The following MACROD2 variants were observed in gnomAD, a reference collection of about 807,000 sequenced individuals.
MACROD2 encodes the protein ADP-ribose glycohydrolase MACROD2.
In MACROD2, 36 loss-of-function variants were observed where a neutral mutation model predicts 70.4. The observed-to-expected ratio is 0.51, with a 90% CI of 0.39 to 0.68. The LOEUF (loss-of-function observed/expected upper bound fraction) is 0.68. Ranked by LOEUF, MACROD2 falls within the 30% of genes least tolerant of loss-of-function variation. MACROD2 has a pLI of 0.00. For missense variants in MACROD2, 496 were observed against 538.4 expected (o/e 0.92, Z 0.78); for synonymous variants, 172 against 178.8 (o/e 0.96, Z 0.30).
At chr20:14,915,446 T>G (rs1010039437) in intron 5 of MACROD2, among the ~76,000 whole-genome samples, 1 of 152,198 alleles carries the variant, frequency 6.6e-6, no homozygotes, top group Non-Finnish European at 1.5e-5. Context: ...CGAGAAGCAT[T>G]AAGCTCAAGC....
At chr20:14,078,129 C>G (rs1450335146) in intron 2 of MACROD2, among the ~76,000 whole-genome samples, 1 of 151,834 alleles carries the variant, frequency 6.6e-6, no homozygotes, top group Non-Finnish European at 1.5e-5. Context: ...CTCGAACTTC[C>G]GAACTCAGGT....
Position 15,334,732 on chromosome 20 carries a change from GATT to G in MACROD2, c.541-96669_541-96667del, listed in dbSNP as rs148988367. Among the ~76,000 whole-genome samples the G allele has an allele frequency of 4.6e-3, 703 of 151,698 alleles. 19 individuals are homozygous for G. The highest frequency in any genetic ancestry group is 0.016 in the African/African-American group (647 of 41,068). On this transcript the variant is annotated intron_variant, in intron 6 of 17. Coordinates refer to ENST00000684519, the MANE Select transcript of MACROD2 (RefSeq NM_001351661.2). ...TATATTTATTTACAAATAGATATAA[GATT>G]ATTGCAATGTATATTATGTTCAATT... is the stretch of plus-strand genomic sequence containing the variant.
At chr20:14,771,080 T>C (rs961691252) in intron 5 of MACROD2, among the ~76,000 whole-genome samples, 3 of 152,040 alleles carry the variant, frequency 2.0e-5, no homozygotes, top group Non-Finnish European at 4.4e-5. Flanking sequence ...GGGAGGGCAT[T>C]GTCTGATTGA....
At chr20:15,047,218 G>A (rs149360491) in intron 5 of MACROD2, among the ~76,000 whole-genome samples, 263 of 152,300 alleles carry the variant, frequency 1.7e-3, no homozygotes, top group African/African-American at 6.2e-3. Flanking sequence ...GCCTGTGAAT[G>A]TTTGGAGAAT....
rs1022672721 is a variant in MACROD2, at chr20:16,051,768, A to C, written c.*1892A>C. On this transcript the variant is annotated 3_prime_UTR_variant, in exon 18 of 18. Coordinates refer to ENST00000684519, the MANE Select transcript of MACROD2 (RefSeq NM_001351661.2). Reference sequence around the variant, plus strand: ...TTCTTGTGAAGTATTTGACAAGTGCAATCTGCTAGAAGCTCGTTTTTCTTG... The same window carrying C: ...TTCTTGTGAAGTATTTGACAAGTGCCATCTGCTAGAAGCTCGTTTTTCTTG... 6.6e-6 allele frequency: 1 copy of C among 152,238 alleles called. No individual in the cohort carries two copies. 9.4% of individuals were successfully genotyped at this position (152,238 alleles called of 1,614,324 possible).
chr20:15,885,687 T>A lies in MACROD2; in HGVS notation c.728-77T>A, dbSNP rs977194411. On this transcript the variant is annotated intron_variant, in intron 9 of 17. Transcript: ENST00000684519. ...TGTTATCCCTTTCTTTGATTTTTTTTAATAATCCATCTGGAACATTCTTGT... is the reference window on the plus strand; with the variant it reads ...TGTTATCCCTTTCTTTGATTTTTTTAAATAATCCATCTGGAACATTCTTGT... 34 of 1,287,916 alleles carry A rather than the reference T, an allele frequency of 2.6e-5. No individual in the cohort carries two copies. The African/African-American group carries it at 3.0e-4, about 11-fold the overall frequency. The allele number at this position is 1,287,916 out of a possible 1,614,324, so 79.8% of individuals were successfully genotyped here.
chr20:15,921,580 C>T (rs1386286581), intron 10 of MACROD2, among the ~76,000 whole-genome samples: 2 of 152,240 alleles, frequency 1.3e-5, no homozygotes, highest in Non-Finnish European at 2.9e-5. Context: ...AATGCCACTT[C>T]TACAGGGAAG....
At chr20:15,417,073 G>T (rs2046162272) in intron 6 of MACROD2, among the ~76,000 whole-genome samples, 1 of 152,122 alleles carries the variant, frequency 6.6e-6, no homozygotes, top group Non-Finnish European at 1.5e-5. Context: ...GACTCTGCAG[G>T]CGTGAAATCT....
chr20:14,518,431 A>G (rs2085127046), intron 4 of MACROD2, among the ~76,000 whole-genome samples: 1 of 152,106 alleles, frequency 6.6e-6, no homozygotes, highest in Admixed American at 6.6e-5. Flanking sequence ...AGTATGATAA[A>G]GCAGCCTTCT....
chr20:16,044,133 G>A (rs1017046205), intron 16 of MACROD2, among the ~76,000 whole-genome samples: 6 of 152,094 alleles, frequency 3.9e-5, no homozygotes, highest in Admixed American at 3.3e-4. Flanking sequence ...GAGGAACTCA[G>A]GAAGCTTACA....
At chr20:14,555,734 T>C (rs1306926401) in intron 4 of MACROD2, among the ~76,000 whole-genome samples, 3 of 152,070 alleles carry the variant, frequency 2.0e-5, no homozygotes, top group African/African-American at 7.2e-5. Context: ...CACTTTCTGT[T>C]AGGTACATGG....
At chr20:15,713,986 T>TGCACACACGC (rs780421547) in intron 8 of MACROD2, among the ~76,000 whole-genome samples, 12 of 97,452 alleles carry the variant, frequency 1.2e-4, no homozygotes, top group African/African-American at 4.7e-4. Context: ...CACACACATA[T>TGCACACACGC]GCACACACAC....
At chr20:14,468,963 T>C (rs1025229236) in intron 3 of MACROD2, among the ~76,000 whole-genome samples, 5 of 152,166 alleles carry the variant, frequency 3.3e-5, no homozygotes, top group Non-Finnish European at 5.9e-5. Context: ...ATGTGTGAAT[T>C]TGATCCTGGC....
chr20:14,334,795 CT>C (rs11087087), intron 3 of MACROD2, among the ~76,000 whole-genome samples: 64,602 of 148,596 alleles, frequency 0.43, 14,856 homozygotes, highest in Non-Finnish European at 0.53. Context: ...ATTTCTAATG[CT>C]TTTTTTTTTT....
At chr20:15,680,434 G>A (rs1473331596) in intron 8 of MACROD2, among the ~76,000 whole-genome samples, 1 of 152,126 alleles carries the variant, frequency 6.6e-6, no homozygotes, top group Non-Finnish European at 1.5e-5. Flanking sequence ...CAAGGAAAGG[G>A]ACTGTCCTGA....
At chr20:14,646,316 T>C (rs976141638) in intron 4 of MACROD2, among the ~76,000 whole-genome samples, 1 of 152,108 alleles carries the variant, frequency 6.6e-6, no homozygotes, top group Non-Finnish European at 1.5e-5. Flanking sequence ...AAAGCACTTA[T>C]GTTCCATGGT....
Position 14,026,307 on chromosome 20 carries a change from C to T in MACROD2, c.163+23903C>T, listed in dbSNP as rs535473220. 3.3e-5 allele frequency among the ~76,000 whole-genome samples: 5 copies of T among 152,292 alleles called. No individual in the cohort carries two copies. The South Asian group carries it at 1.0e-3, about 32-fold the overall frequency. ...TTGACTCTTTATCCAATTTGCCAGTCTGTGTCTTTTAATCGGGGCATTTAG... is the reference window on the plus strand; with the variant it reads ...TTGACTCTTTATCCAATTTGCCAGTTTGTGTCTTTTAATCGGGGCATTTAG... On this transcript the variant is annotated intron_variant, in intron 2 of 17. Transcript: ENST00000684519.
At chr20:15,357,795 ATTCTTTTTTTTTTTT>A (rs1456562413) in intron 6 of MACROD2, among the ~76,000 whole-genome samples, 1 of 109,558 alleles carries the variant, frequency 9.1e-6, no homozygotes, top group Non-Finnish European at 1.8e-5. Context: ...CTGTTCATTC[ATTCTTTTTTTTTTTT>A]TTTTTTTTTT....
chr20:15,311,418 C>T (rs1452501861), intron 6 of MACROD2, among the ~76,000 whole-genome samples: 1 of 152,174 alleles, frequency 6.6e-6, no homozygotes, highest in Non-Finnish European at 1.5e-5. Context: ...TTTGACCCAG[C>T]AATTCCATTA....
Sources: gnomAD v4.1 joint callset for allele counts (sites outside exome capture counted in the v4.1 genomes callset) on GRCh38, gnomAD v4.1.1 for gene constraint, MANE v1.5 for transcripts, NCBI Gene and HGNC (gene_info 2026-07-23, HGNC 2026-07-21) for gene names.